Variants in C9orf43 observed in about 807,000 individuals in gnomAD.
C9orf43 encodes the protein uncharacterized protein C9orf43.
Under a neutral mutation model 59.1 loss-of-function variants are expected in C9orf43, and 45 were observed. The ratio of observed to expected loss-of-function variants is 0.76; its 90% CI spans 0.60 to 0.98. C9orf43 has a LOEUF of 0.98. Ranked by LOEUF, C9orf43 falls within the 50% of genes least tolerant of loss-of-function variation. C9orf43 has a pLI of 0.00. For missense variants in C9orf43, 533 were observed against 554.9 expected, an observed-to-expected ratio of 0.96 and a Z score of 0.40; for synonymous variants, 203 against 196.8, an observed-to-expected ratio of 1.03 and a Z score of -0.26.
chr9:113,415,771 C>T (rs1588102890), intron 3 of C9orf43, among the ~76,000 whole-genome samples: 1 of 152,050 alleles, frequency 6.6e-6, no homozygotes. Flanking sequence ...AAAACTTAGA[C>T]TTAAAAAATT....
In C9orf43 at chr9:113,425,630, A is replaced by T. The variant is rs1484358486; in HGVS notation, c.943-13A>T. The T allele has an allele frequency of 6.2e-7, 1 of 1,612,064 alleles. No individual in the cohort carries two copies. Among genetic ancestry groups the T allele is most frequent in the East Asian group, 2.2e-5 (1 of 44,868 alleles). On this transcript the variant is annotated splice_polypyrimidine_tract_variant and intron_variant, in intron 10 of 13. Coordinates refer to ENST00000374165, the MANE Select transcript of C9orf43 (RefSeq NM_001278629.2). ...CAAAAATCCTAATTTGTTCCTCCTG[A>T]TGTGGGTTTCAGGAGGCTAAAAAGA...
chr9:113,421,591 A>G (rs1453534644), intron 5 of C9orf43, among the ~76,000 whole-genome samples: 2 of 152,134 alleles, frequency 1.3e-5, no homozygotes, highest in African/African-American at 4.8e-5. Flanking sequence ...AGTACAGTGT[A>G]CAAAAGCAAT....
chr9:113,424,360 C>A, intron 8 of C9orf43, 44 bp downstream of exon 8: 2 of 1,556,788 alleles, frequency 1.3e-6, no homozygotes, highest in Non-Finnish European at 8.7e-7. Context: ...TGTGAAAATT[C>A]AAACCCATCT....
chr9:113,421,493 CT>C (rs1489220774), intron 5 of C9orf43, among the ~76,000 whole-genome samples: 5 of 151,776 alleles, frequency 3.3e-5, no homozygotes, highest in African/African-American at 1.2e-4. Flanking sequence ...AATAAATGCT[CT>C]CTCTTAGTTT....
At chr9:113,420,712 C>T in intron 4 of C9orf43, 2 of 967,546 alleles carry the variant, frequency 2.1e-6, no homozygotes, top group Non-Finnish European at 2.5e-6. Flanking sequence ...GCTTCTGTTT[C>T]TATCAGTTCT....
Position 113,413,645 on chromosome 9 carries a change from G to T in C9orf43, c.151+1G>T. On this transcript the variant is annotated splice_donor_variant, in intron 2 of 13. Coordinates refer to ENST00000374165, the MANE Select transcript of C9orf43 (RefSeq NM_001278629.2). LOFTEE classifies it high-confidence loss of function. ...TGCAAAACTCCCCTGGATGCTGAAG[G>T]TGAATTAGCCAGCTTCTGTCCTCTC... 6.2e-7 allele frequency: 1 copy of T among 1,614,072 alleles called. No homozygotes were observed. The highest frequency in any genetic ancestry group is 8.5e-7 in the Non-Finnish European group (1 of 1,179,924).
Position 113,425,259 on chromosome 9 carries a change from C to A in C9orf43, c.866-85C>A, listed in dbSNP as rs1828743942. 6 of 1,586,572 alleles carry A rather than the reference C, an allele frequency of 3.8e-6. No homozygotes were observed. The Admixed American group carries it at 8.5e-5, about 22-fold the overall frequency. On this transcript the variant is annotated intron_variant, in intron 9 of 13. Transcript: ENST00000374165. Reference sequence around the variant, plus strand: ...TGGCTTGGTCCTTACCAGGGAGTCACCATTGTGAAGGAAGGCACAGCAGGC... The same window carrying A: ...TGGCTTGGTCCTTACCAGGGAGTCAACATTGTGAAGGAAGGCACAGCAGGC...
In C9orf43 at chr9:113,421,079, A is replaced by G. The variant is rs778596073; in HGVS notation, c.346-24A>G. On this transcript the variant is annotated intron_variant, in intron 4 of 13. Transcript: ENST00000374165. ...AGGAGCTTAGCACCTCAAGCCATAC[A>G]TAGGCTTTATATCTTTCTCTTAGTT... is the stretch of plus-strand genomic sequence containing the variant. The G allele has an allele frequency of 7.0e-6, 11 of 1,569,046 alleles. No homozygotes were observed. In the East Asian group the frequency reaches 1.3e-4, roughly 19 times the overall value.
chr9:113,423,573 T>C, intron 7 of C9orf43, 75 bp downstream of exon 7: 1 of 1,412,770 alleles, frequency 7.1e-7, no homozygotes, highest in Non-Finnish European at 9.7e-7. Context: ...CTAAACAGTG[T>C]GCTTTTTCTG....
intron 1 of C9orf43, 102 bp from the exon 2 acceptor site, chr9:113,413,343 A>G (rs1489128111): frequency 5.6e-6 from 6 of 1,080,548 alleles, no homozygotes; most frequent in African/African-American, 4.8e-5. Flanking sequence ...ATTTACCTAT[A>G]TAGGTTCAAT....
chr9:113,425,500 G>A, intron 10 of C9orf43, 80 bp downstream of exon 10: 2 of 1,520,586 alleles, frequency 1.3e-6, no homozygotes, highest in Admixed American at 2.1e-5. Flanking sequence ...AAAGGTGGGG[G>A]TCTCCTTGTT....
chr9:113,429,394 C>A lies in C9orf43; in HGVS notation c.*8C>A. Reference sequence around the variant, plus strand: ...TCCTCTGGGGCAGAGTGAGAAGCCTCTGGAGGAATAGACTGAAGGCATCCC... The same window carrying A: ...TCCTCTGGGGCAGAGTGAGAAGCCTATGGAGGAATAGACTGAAGGCATCCC... On this transcript the variant is annotated 3_prime_UTR_variant, in exon 14 of 14. Transcript: ENST00000374165. The A allele has an allele frequency of 6.2e-7, 1 of 1,612,834 alleles. No individual in the cohort carries two copies.
intron 1 of C9orf43, chr9:113,411,256 C>A (rs1588096692): frequency 2.2e-5 from 8 of 364,648 alleles, no homozygotes; most frequent in Non-Finnish European, 3.0e-5. Flanking sequence ...GTTCATCATA[C>A]ATTTTTTCCA....
chr9:113,426,332 A>T (rs1344425716), intron 11 of C9orf43, among the ~76,000 whole-genome samples: 1 of 151,986 alleles, frequency 6.6e-6, no homozygotes, highest in Non-Finnish European at 1.5e-5. Flanking sequence ...AGTCGTTATT[A>T]TGTCTGAGCT....
intron 1 of C9orf43, among the ~76,000 whole-genome samples, chr9:113,411,321 A>G (rs1212751385): frequency 4.1e-5 from 6 of 145,860 alleles, no homozygotes; most frequent in Non-Finnish European, 9.0e-5. Flanking sequence ...TTTTTTTGAG[A>G]CAGTCTCACT....
At chr9:113,424,378 A>C (rs1828703167) in intron 8 of C9orf43, 62 bp downstream of exon 8, 3 of 1,511,860 alleles carry the variant, frequency 2.0e-6, no homozygotes, top group Non-Finnish European at 2.7e-6. Flanking sequence ...TCTCTCCTCA[A>C]ATCTGGAAGA....
In C9orf43 at chr9:113,425,069, G is replaced by C; in HGVS notation, c.858G>C (p.Lys286Asn). ...PERLKKLHNLKTEGYRKQQQR... is the reference protein window; with the variant it reads ...PERLKKLHNLNTEGYRKQQQR... The stretch of plus-strand genomic sequence containing the variant: ...GTTTGAAGAAATTACATAACCTGAA[G>C]ACAGAAGGTAGATTTGCTGTTGCTG... Residue 286 changes from lysine (K) to asparagine (N), a missense_variant, in exon 9 of 14, where the codon AAG (lysine) becomes AAC (asparagine). Coordinates refer to ENST00000374165, the MANE Select transcript of C9orf43 (RefSeq NM_001278629.2). 6.2e-7 allele frequency: 1 copy of C among 1,613,316 alleles called. No individual in the cohort carries two copies. Among genetic ancestry groups the C allele is most frequent in the Non-Finnish European group, 8.5e-7 (1 of 1,179,806 alleles).
At chr9:113,424,390 T>C (rs942270372) in intron 8 of C9orf43, 74 bp downstream of exon 8, 9 of 1,468,668 alleles carry the variant, frequency 6.1e-6, no homozygotes, top group African/African-American at 2.8e-5. Context: ...TCTGGAAGAG[T>C]TGACATTCTA....
In C9orf43 at chr9:113,422,545, C is replaced by T. The variant is rs762772840; in HGVS notation, c.447-4C>T. 2.0e-5 allele frequency: 33 copies of T among 1,613,714 alleles called. No homozygotes were observed. The Admixed American group carries it at 5.3e-4, about 26-fold the overall frequency. ...TTGTTTTGTTTTGTTTTGTTTTTCTCCAGCCAGCATGGGAAGAAGAAAAGA... is the reference window on the plus strand; with the variant it reads ...TTGTTTTGTTTTGTTTTGTTTTTCTTCAGCCAGCATGGGAAGAAGAAAAGA... On this transcript the variant is annotated splice_region_variant and splice_polypyrimidine_tract_variant and intron_variant, in intron 5 of 13. Transcript: ENST00000374165.
Sources: allele counts gnomAD v4.1 joint callset (sites outside exome capture counted in the v4.1 genomes callset), GRCh38; gene constraint gnomAD v4.1.1; transcripts MANE v1.5; gene names NCBI Gene and HGNC (gene_info 2026-07-23, HGNC 2026-07-21).